The following C4BPA variants were observed in gnomAD, a reference collection of about 807,000 sequenced individuals.
C4BPA encodes the protein C4b-binding protein alpha chain.
C4BPA carries 31 observed loss-of-function variants against 63.7 expected under a neutral mutation model. The observed-to-expected ratio is 0.49, with a 90% CI of 0.37 to 0.66. The LOEUF is 0.66. Among genes scored for constraint, C4BPA ranks in the 30% least tolerant of loss-of-function variants. The probability of loss-of-function intolerance (pLI) is 0.00; values close to 1 mark genes in which losing one functional copy is unlikely to be tolerated. For missense variants in C4BPA, 572 were observed against 723.3 expected (o/e 0.79, Z 2.40); for synonymous variants, 259 against 254.7 (o/e 1.02, Z -0.16).
At chr1:207,126,030 G>A (rs1261891447) in intron 6 of C4BPA, among the ~76,000 whole-genome samples, 1 of 151,942 alleles carries the variant, frequency 6.6e-6, no homozygotes, top group South Asian at 2.1e-4. Context: ...ATTACCATGG[G>A]CCACGGACCC....
chr1:207,113,474 G>A (rs928276921), intron 2 of C4BPA, among the ~76,000 whole-genome samples: 2 of 152,072 alleles, frequency 1.3e-5, no homozygotes, highest in East Asian at 1.9e-4. Context: ...TTCACTGTTT[G>A]TGGGTTTATT....
At chr1:207,122,771 G>T (rs1365814963) in intron 4 of C4BPA, among the ~76,000 whole-genome samples, 1 of 151,986 alleles carries the variant, frequency 6.6e-6, no homozygotes, top group African/African-American at 2.4e-5. Flanking sequence ...ATGGGGTTTT[G>T]TCATATTGGC....
intron 1 of C4BPA, among the ~76,000 whole-genome samples, chr1:207,112,304 G>A (rs974204241): frequency 6.7e-6 from 1 of 150,154 alleles, no homozygotes; most frequent in Non-Finnish European, 1.5e-5. Context: ...ACTTCTATAC[G>A]GCGACTCAAC....
chr1:207,135,228 C>T (rs1685254913), intron 9 of C4BPA, among the ~76,000 whole-genome samples: 1 of 152,120 alleles, frequency 6.6e-6, no homozygotes, highest in Admixed American at 6.5e-5. Flanking sequence ...GTCCCAGCTA[C>T]TCAGGAGGCT....
intron 9 of C4BPA, among the ~76,000 whole-genome samples, chr1:207,138,234 G>A (rs1685335028): frequency 1.3e-5 from 2 of 152,200 alleles, no homozygotes; most frequent in African/African-American, 2.4e-5. Flanking sequence ...TAGTGGCTGG[G>A]CACAGGTAGG....
chr1:207,112,878 T>C, intron 1 of C4BPA, 123 bp from the exon 2 acceptor site: 1 of 878,824 alleles, frequency 1.1e-6, no homozygotes, highest in Non-Finnish European at 1.6e-6. Flanking sequence ...CAGGGGTTTT[T>C]TTGTTTTGTT....
intron 7 of C4BPA, among the ~76,000 whole-genome samples, chr1:207,128,511 G>A (rs1315771848): frequency 6.6e-6 from 1 of 152,188 alleles, no homozygotes; most frequent in Non-Finnish European, 1.5e-5. Flanking sequence ...TTATGCCCCA[G>A]GGAGTTGCTG....
At chr1:207,140,627 A>G (rs1572800290) in intron 9 of C4BPA, among the ~76,000 whole-genome samples, 2 of 151,892 alleles carry the variant, frequency 1.3e-5, no homozygotes, top group East Asian at 3.9e-4. Flanking sequence ...TCATTTATCC[A>G]ATGAGCTCTT....
Position 207,144,863 on chromosome 1 carries a change from G to T in C4BPA, c.*146G>T. 1 of 465,862 alleles carries T rather than the reference G, an allele frequency of 2.1e-6. No individual in the cohort carries two copies. The highest frequency in any genetic ancestry group is 5.8e-5 in the South Asian group (1 of 17,386). The allele number at this position is 465,862 out of a possible 1,614,324, so 28.9% of individuals were successfully genotyped here. On this transcript the variant is annotated 3_prime_UTR_variant, in exon 12 of 12. Coordinates refer to ENST00000367070, the MANE Select transcript of C4BPA (RefSeq NM_000715.4). ...AAATGATAATTTGCTAAAGTTTAGT[G>T]CTTTGAGATTGTGAAATTATTAATC...
At chr1:207,130,600 T>C (rs1476619357) in intron 7 of C4BPA, among the ~76,000 whole-genome samples, 2 of 152,162 alleles carry the variant, frequency 1.3e-5, no homozygotes, top group African/African-American at 4.8e-5. Flanking sequence ...AAATAGATTA[T>C]ATCATTTGGC....
At chr1:207,109,596 G>A (rs949211804) in intron 1 of C4BPA, among the ~76,000 whole-genome samples, 3 of 152,184 alleles carry the variant, frequency 2.0e-5, no homozygotes, top group Non-Finnish European at 4.4e-5. Context: ...CATGCCCAAG[G>A]TCTTGGCCAC....
intron 4 of C4BPA, among the ~76,000 whole-genome samples, chr1:207,118,165 G>GTCTA (rs956859420): frequency 2.6e-5 from 2 of 77,082 alleles, no homozygotes; most frequent in Non-Finnish European, 5.7e-5. Context: ...CTGTCTGTCT[G>GTCTA]TCTATCTATC....
intron 7 of C4BPA, among the ~76,000 whole-genome samples, chr1:207,130,902 T>C (rs1685145125): frequency 6.6e-6 from 1 of 150,858 alleles, no homozygotes; most frequent in African/African-American, 2.4e-5. Context: ...ACTCTGTATA[T>C]ACTAAAAACC....
chr1:207,126,223 ATTTT>A (rs1685040165), intron 6 of C4BPA, among the ~76,000 whole-genome samples: 1 of 149,516 alleles, frequency 6.7e-6, no homozygotes, highest in Non-Finnish European at 1.5e-5. Context: ...GAAATTATAT[ATTTT>A]ATATATATAC....
rs1684883589 is a variant in C4BPA, at chr1:207,119,811, T to A, written c.429-4111T>A. ...TCACAACTTTTATGGTCCTTGTTTA[T>A]GCAACTGGTCATGTGGTTGTAGCAG... On this transcript the variant is annotated intron_variant, in intron 4 of 11. Coordinates refer to ENST00000367070, the MANE Select transcript of C4BPA (RefSeq NM_000715.4). Among the ~76,000 whole-genome samples the A allele has an allele frequency of 4.4e-4, 13 of 29,290 alleles. 2 individuals carry two copies. Among genetic ancestry groups the A allele is most frequent in the Non-Finnish European group, 1.3e-3 (10 of 7,952 alleles). The allele number at this position is 29,290 out of a possible 152,430, so 19.2% of individuals were successfully genotyped here.
intron 1 of C4BPA, among the ~76,000 whole-genome samples, chr1:207,112,349 T>TG (rs1491285756): frequency 1.4e-5 from 2 of 139,372 alleles, no homozygotes; most frequent in South Asian, 2.1e-4. Flanking sequence ...CCTGCCTTTT[T>TG]GTTTTTTTTT....
At chr1:207,113,246 A>C (rs931223131) in intron 2 of C4BPA, 79 bp downstream of exon 2, 54 of 1,456,172 alleles carry the variant, frequency 3.7e-5, no homozygotes, top group Non-Finnish European at 5.0e-5. Flanking sequence ...GCTAAAAAAA[A>C]TGATGACTGA....
chr1:207,131,473 C>G, intron 7 of C4BPA, 73 bp from the exon 8 acceptor site: 1 of 1,048,106 alleles, frequency 9.5e-7, no homozygotes, highest in East Asian at 2.5e-5. Flanking sequence ...TTTGATAGGA[C>G]AGGCTTATTG....
rs1217620044 is a variant in C4BPA at position 207,144,892 on chromosome 1, C to T, written c.*175C>T. The T allele has an allele frequency of 2.6e-6, 1 of 382,938 alleles. No homozygotes were observed. Among genetic ancestry groups the T allele is most frequent in the East Asian group, 4.2e-5 (1 of 23,576 alleles). 23.7% of individuals were successfully genotyped at this position (382,938 alleles called of 1,614,324 possible). On this transcript the variant is annotated 3_prime_UTR_variant, in exon 12 of 12. Coordinates refer to ENST00000367070, the MANE Select transcript of C4BPA (RefSeq NM_000715.4). ...TGAGATTGTGAAATTATTAATCATC[C>T]TCTGTGTGGCTCATGTTTTTGCTTT...
Sources: gnomAD v4.1 joint callset for allele counts (sites outside exome capture counted in the v4.1 genomes callset) on GRCh38, gnomAD v4.1.1 for gene constraint, MANE v1.5 for transcripts, NCBI Gene and HGNC (gene_info 2026-07-23, HGNC 2026-07-21) for gene names.